Variants in FBXO22 observed in about 807,000 individuals in gnomAD.
FBXO22 encodes F-box only protein 22.
A neutral mutation model predicts 37.2 loss-of-function variants in FBXO22; 13 were observed. The observed-to-expected ratio is 0.35, with a 90% CI of 0.23 to 0.56. FBXO22 has a LOEUF of 0.56. Ranked by LOEUF, FBXO22 falls within the 20% of genes least tolerant of loss-of-function variation. The probability of loss-of-function intolerance (pLI) is 0.87; values close to 1 mark genes in which losing one functional copy is unlikely to be tolerated. For synonymous variants in FBXO22, 189 were observed against 189.1 expected, an observed-to-expected ratio of 1.00 and a Z score of 0.00; for missense variants, 446 against 509.9, an observed-to-expected ratio of 0.87 and a Z score of 1.21.
In FBXO22 at chr15:75,908,327, C is replaced by T. The variant is rs570374682; in HGVS notation, c.279+3698C>T. Reference sequence around the variant, plus strand: ...CTCGCCTGTCGCCCAGGCTGGATTGCAGTGGCCCGATCTTGGCTCAGTGCA... The same window carrying T: ...CTCGCCTGTCGCCCAGGCTGGATTGTAGTGGCCCGATCTTGGCTCAGTGCA... On this transcript the variant is annotated intron_variant, in intron 2 of 6. Transcript: ENST00000308275. 7.3e-5 allele frequency among the ~76,000 whole-genome samples: 11 copies of T among 151,400 alleles called. No individual in the cohort carries two copies. In the South Asian group the frequency reaches 2.3e-3, roughly 32 times the overall value.
Position 75,904,616 on chromosome 15 carries a change from C to T in FBXO22, c.266C>T (p.Ala89Val). 6.2e-7 allele frequency: 1 copy of T among 1,608,610 alleles called. No homozygotes were observed. Among genetic ancestry groups the T allele is most frequent in the Non-Finnish European group, 8.5e-7 (1 of 1,176,430 alleles). The change falls in exon 2 of 7, where the codon GCA (alanine) becomes GTA (valine). Residue 89 changes from alanine (A) to valine (V), a missense_variant. Around this residue, in one of 2 missense-constraint regions of FBXO22, gnomAD observed 315 missense variants for 410.1 expected, o/e 0.77. Transcript: ENST00000308275. ...GGGCATTGCTTGGTTCGCGTGGTAGCAGAGGAGCTTGAGGCAAGTAGCAAG... is the reference window on the plus strand; with the variant it reads ...GGGCATTGCTTGGTTCGCGTGGTAGTAGAGGAGCTTGAGGCAAGTAGCAAG... The part of the protein sequence containing the change: ...LEGHCLVRVV[A>V]EELENVRILP...
chr15:75,904,353 A>T, intron 1 of FBXO22, 138 bp from the exon 2 acceptor site: 1 of 1,313,068 alleles, frequency 7.6e-7, no homozygotes, highest in Non-Finnish European at 1.1e-6. Context: ...TAGCGCCCTG[A>T]CTGACACCTA....
At chr15:75,931,724 A>G (rs2030024857) in intron 6 of FBXO22, among the ~76,000 whole-genome samples, 1 of 152,170 alleles carries the variant, frequency 6.6e-6, no homozygotes, top group African/African-American at 2.4e-5. Flanking sequence ...ACTTTTATCA[A>G]TGTTGTATTT....
chr15:75,914,776 C>T (rs1017731098), intron 4 of FBXO22, among the ~76,000 whole-genome samples: 1 of 152,060 alleles, frequency 6.6e-6, no homozygotes, highest in Admixed American at 6.5e-5. Flanking sequence ...ATTCGAATGC[C>T]GGCTGTACCG....
chr15:75,919,977 G>C (rs1900283396), intron 5 of FBXO22, among the ~76,000 whole-genome samples: 1 of 152,212 alleles, frequency 6.6e-6, no homozygotes, highest in South Asian at 2.1e-4. Context: ...AATGGCAGTA[G>C]AGAGTTAAGG....
At chr15:75,920,767 G>C (rs374526182) in intron 5 of FBXO22, among the ~76,000 whole-genome samples, 1 of 152,104 alleles carries the variant, frequency 6.6e-6, no homozygotes, top group African/African-American at 2.4e-5. Flanking sequence ...AGGTTGCCGT[G>C]AGCTGAAGTC....
At chr15:75,927,625 G>A (rs1012740429) in intron 5 of FBXO22, among the ~76,000 whole-genome samples, 17 of 152,130 alleles carry the variant, frequency 1.1e-4, no homozygotes, top group Admixed American at 3.9e-4. Context: ...TTAAAATTTC[G>A]TGGGCTAGTC....
In FBXO22 at chr15:75,938,276, G is replaced by C. The variant is rs575759496; in HGVS notation, c.*5174G>C. 2.2e-4 allele frequency: 33 copies of C among 152,096 alleles called. No individual in the cohort carries two copies. The highest frequency in any genetic ancestry group is 8.0e-4 in the African/African-American group (33 of 41,468). The allele number at this position is 152,096 out of a possible 1,614,324, so 9.4% of individuals were successfully genotyped here. ...AAACTCTCAAAACAAATGGATGACA[G>C]CTTTTAAAAATAAAAAAACAATGAA... On this transcript the variant is annotated 3_prime_UTR_variant, in exon 7 of 7. Coordinates refer to ENST00000308275, the MANE Select transcript of FBXO22 (RefSeq NM_147188.3).
Position 75,937,409 on chromosome 15 carries a change from T to G in FBXO22, c.*4307T>G, listed in dbSNP as rs1407167200. On this transcript the variant is annotated 3_prime_UTR_variant, in exon 7 of 7. Coordinates refer to ENST00000308275, the MANE Select transcript of FBXO22 (RefSeq NM_147188.3). Reference sequence around the variant, plus strand: ...CTGTAGTCCTAGCTACTTGGGAGGCTGAGGCAGGAGAATGGTGTGAACCTG... The same window carrying G: ...CTGTAGTCCTAGCTACTTGGGAGGCGGAGGCAGGAGAATGGTGTGAACCTG... The G allele has an allele frequency of 6.8e-6, 1 of 146,698 alleles. No individual in the cohort carries two copies. Among genetic ancestry groups the G allele is most frequent in the Non-Finnish European group, 1.5e-5 (1 of 67,514 alleles). 9.1% of individuals were successfully genotyped at this position (146,698 alleles called of 1,614,324 possible).
intron 5 of FBXO22, among the ~76,000 whole-genome samples, chr15:75,927,713 G>A (rs947112365): frequency 6.6e-6 from 1 of 152,192 alleles, no homozygotes; most frequent in Admixed American, 6.5e-5. Context: ...TACTGTCCAA[G>A]TCAGTAATTT....
rs1257325718 is a variant in FBXO22, at chr15:75,934,995, T to C, written c.*1893T>C. 1 of 152,258 alleles carries C rather than the reference T, an allele frequency of 6.6e-6. No individual in the cohort carries two copies. Among genetic ancestry groups the C allele is most frequent in the African/African-American group, 2.4e-5 (1 of 41,466 alleles). The allele number at this position is 152,258 out of a possible 1,614,324, so 9.4% of individuals were successfully genotyped here. On this transcript the variant is annotated 3_prime_UTR_variant, in exon 7 of 7. Coordinates refer to ENST00000308275, the MANE Select transcript of FBXO22 (RefSeq NM_147188.3). ...TTGATGTTGTTAAAGCATTCCTTTT[T>C]ATAGCTGAGCCTTTGGAGCTTGTTA...
At chr15:75,931,319 A>G (rs959256063) in intron 6 of FBXO22, among the ~76,000 whole-genome samples, 4 of 152,160 alleles carry the variant, frequency 2.6e-5, no homozygotes, top group Admixed American at 2.6e-4. Context: ...ATTAATTTTA[A>G]TGTGGTCTTC....
chr15:75,904,975 C>T (rs1435330667), intron 2 of FBXO22, among the ~76,000 whole-genome samples: 2 of 152,184 alleles, frequency 1.3e-5, no homozygotes, highest in African/African-American at 4.8e-5. Context: ...AGGCGCCCGC[C>T]ACCATGCCCA....
At chr15:75,930,187 T>TGCC in intron 6 of FBXO22, 138 bp downstream of exon 6, 10 of 1,499,434 alleles carry the variant, frequency 6.7e-6, no homozygotes, top group Non-Finnish European at 8.9e-6. Flanking sequence ...GTAGTAGACA[T>TGCC]TGGCTAAGGG....
chr15:75,925,712 A>G (rs1283230595), intron 5 of FBXO22, among the ~76,000 whole-genome samples: 2 of 151,824 alleles, frequency 1.3e-5, no homozygotes, highest in Non-Finnish European at 2.9e-5. Context: ...CATCTATTCA[A>G]GACAATGAGG....
chr15:75,929,337 C>T (rs1273997253), intron 5 of FBXO22, among the ~76,000 whole-genome samples: 1 of 151,752 alleles, frequency 6.6e-6, no homozygotes, highest in Non-Finnish European at 1.5e-5. Context: ...TTTTAAAGAT[C>T]CTTTTTCCAA....
chr15:75,906,617 A>C (rs994098190), intron 2 of FBXO22, among the ~76,000 whole-genome samples: 2 of 152,002 alleles, frequency 1.3e-5, no homozygotes, highest in East Asian at 1.9e-4. Context: ...ATATGTAACC[A>C]ATCTTCTGTT....
Position 75,932,741 on chromosome 15 carries a change from G to T in FBXO22, c.851G>T (p.Arg284Leu). The T allele has an allele frequency of 3.1e-6, 5 of 1,614,162 alleles. No individual in the cohort carries two copies. Among genetic ancestry groups the T allele is most frequent in the Non-Finnish European group, 4.2e-6 (5 of 1,180,012 alleles). ...GTTGGACTGTCATTTAGTGGACACC[G>T]AATCCAGAGTGCCACTGTGCTCCTC... Reference protein sequence around the residue: ...GVVGLSFSGHRIQSATVLLNE... With the variant: ...GVVGLSFSGHLIQSATVLLNE... Residue 284 changes from arginine to leucine, a missense_variant, in exon 7 of 7, where the codon CGA becomes CTA. Physicochemically the swap from Arg to Leu is moderately radical, Grantham distance 102. Coordinates refer to ENST00000308275, the MANE Select transcript of FBXO22 (RefSeq NM_147188.3).
intron 6 of FBXO22, chr15:75,930,777 C>T (rs2029981510): frequency 1.0e-6 from 1 of 985,448 alleles, no homozygotes; most frequent in Middle Eastern, 5.2e-4. Context: ...CCCTACCCCA[C>T]CCTCAATGCT....
Sources: gnomAD v4.1 joint callset for allele counts (sites outside exome capture counted in the v4.1 genomes callset) on GRCh38, gnomAD v4.1.1 for gene constraint, gnomAD v4.1.1 regional missense constraint, MANE v1.5 for transcripts, NCBI Gene and HGNC (gene_info 2026-07-23, HGNC 2026-07-21) for gene names.